The following PHF20L1 variants were observed in gnomAD, a reference collection of about 807,000 sequenced individuals.
PHF20L1 encodes the protein PHD finger protein 20-like protein 1.
Under a neutral mutation model 125.5 loss-of-function variants are expected in PHF20L1, and 44 were observed. The observed-to-expected ratio is 0.35, with a 90% confidence interval of 0.28 to 0.45. The LOEUF is 0.45. PHF20L1 is among the 20% of genes least tolerant of loss of function. The probability of loss-of-function intolerance (pLI) is 1.00; values close to 1 mark genes in which losing one functional copy is unlikely to be tolerated. For synonymous variants in PHF20L1, 380 were observed against 403.1 expected (o/e 0.94, Z 0.69); for missense variants, 1,012 against 1,217.2 (o/e 0.83, Z 2.51).
intron 2 of PHF20L1, among the ~76,000 whole-genome samples, chr8:132,792,821 G>T (rs1434924624): frequency 3.3e-5 from 5 of 152,050 alleles, no homozygotes; most frequent in Non-Finnish European, 5.9e-5. Flanking sequence ...GATAAAAGGG[G>T]TTACATGTTT....
At chr8:132,834,269 A>G (rs371178582) in intron 15 of PHF20L1, among the ~76,000 whole-genome samples, 14 of 152,276 alleles carry the variant, frequency 9.2e-5, no homozygotes, top group South Asian at 4.1e-4. Context: ...TAAAACTGGT[A>G]ATCTTTGCCA....
chr8:132,807,740 A>G (rs1178117414), intron 8 of PHF20L1: 3 of 455,752 alleles, frequency 6.6e-6, no homozygotes, highest in African/African-American at 6.0e-5. Context: ...CCAGCTGTGT[A>G]TTTTATAGCT....
intron 2 of PHF20L1, among the ~76,000 whole-genome samples, chr8:132,783,159 T>C (rs1326735300): frequency 1.3e-5 from 2 of 152,216 alleles, no homozygotes; most frequent in Non-Finnish European, 2.9e-5. Context: ...TTTAAAACAT[T>C]CAGATGAGAT....
intron 18 of PHF20L1, 33 bp downstream of exon 18, chr8:132,839,615 T>A: frequency 1.3e-6 from 2 of 1,499,806 alleles, no homozygotes; most frequent in Non-Finnish European, 1.9e-6. Flanking sequence ...AGGGTCACAC[T>A]TCAGTGGACG....
At position 132,845,911 on chromosome 8, in the gene PHF20L1, TTGCTC is replaced by T; in HGVS notation, c.3045_3049del (p.Ser1016MetfsTer7). 6.2e-7 allele frequency: 1 copy of T among 1,611,804 alleles called. No homozygotes were observed. The highest frequency in any genetic ancestry group is 8.5e-7 in the Non-Finnish European group (1 of 1,178,432). ...GCAAAGTACAGCAGATAGCAACTCT[TTGCTC>T]TGTATGACAACAGTGAACACTTAAT... On this transcript the variant is annotated frameshift_variant, in exon 21 of 21. Coordinates refer to ENST00000395386, the MANE Select transcript of PHF20L1 (RefSeq NM_016018.5). LOFTEE classifies it high-confidence loss of function.
chr8:132,777,221 G>A (rs1029890935), intron 1 of PHF20L1, among the ~76,000 whole-genome samples: 1 of 152,190 alleles, frequency 6.6e-6, no homozygotes, highest in African/African-American at 2.4e-5. Flanking sequence ...GAGATCATGG[G>A]TAATGAAAAA....
chr8:132,800,110 A>G (rs890879758), intron 6 of PHF20L1: 2 of 150,698 alleles, frequency 1.3e-5, no homozygotes, highest in East Asian at 3.9e-4. Context: ...TCATGAATTG[A>G]CATTATATTA....
intron 4 of PHF20L1, among the ~76,000 whole-genome samples, chr8:132,796,275 A>G (rs895364680): frequency 6.6e-6 from 1 of 152,092 alleles, no homozygotes; most frequent in East Asian, 1.9e-4. Flanking sequence ...TAGAATAGCT[A>G]GAGTACAGGT....
chr8:132,841,577 A>G (rs914335596), intron 18 of PHF20L1: 2 of 152,108 alleles, frequency 1.3e-5, no homozygotes, highest in Non-Finnish European at 2.9e-5. Context: ...TATCTCCCGA[A>G]TGCCCTTTCA....
intron 8 of PHF20L1, chr8:132,810,068 G>A (rs1028863397): frequency 1.3e-5 from 2 of 148,250 alleles, no homozygotes; most frequent in South Asian, 2.1e-4. Context: ...TTTTTGTGGC[G>A]GAGTCTTGCT....
intron 2 of PHF20L1, 152 bp downstream of exon 2, chr8:132,778,063 C>T (rs998616057): frequency 1.8e-6 from 1 of 570,158 alleles, no homozygotes; most frequent in Non-Finnish European, 3.1e-6. Context: ...TTTTCCTACT[C>T]TTTAGGCTTT....
intron 19 of PHF20L1, chr8:132,843,410 C>T (rs575977990): frequency 1.0e-6 from 1 of 980,466 alleles, no homozygotes; most frequent in Non-Finnish European, 1.2e-6. Context: ...TTATTTTTTA[C>T]TGATTTTCAA....
chr8:132,790,009 T>G (rs930714291), intron 2 of PHF20L1, among the ~76,000 whole-genome samples: 6 of 152,194 alleles, frequency 3.9e-5, no homozygotes, highest in Admixed American at 1.3e-4. Flanking sequence ...AGTCTTCCAC[T>G]TCTTGAATAT....
chr8:132,816,658 T>A (rs1267210640), intron 10 of PHF20L1: 2 of 383,872 alleles, frequency 5.2e-6, no homozygotes, highest in African/African-American at 2.1e-5. Flanking sequence ...TCCATTTTAT[T>A]TTCTTTTAGT....
chr8:132,812,491 GTTTCTAT>G, intron 9 of PHF20L1: 13 of 984,502 alleles, frequency 1.3e-5, no homozygotes, highest in Non-Finnish European at 1.4e-5. Flanking sequence ...TAACTCGGCT[GTTTCTAT>G]TTTCATAATT....
At position 132,794,340 on chromosome 8, in the gene PHF20L1, T is replaced by G. The variant is rs532830038; in HGVS notation, c.84-70T>G. The G allele has an allele frequency of 2.2e-4, 195 of 904,884 alleles. 3 individuals are homozygous for G. In the South Asian group the frequency reaches 3.3e-3, roughly 16 times the overall value. 56.1% of individuals were successfully genotyped at this position (904,884 alleles called of 1,614,324 possible). ...TAATGGTAAGCAACATTCAGCTAAATCTATGTATAATGCTTTGTATAAACA... is the reference window on the plus strand; with the variant it reads ...TAATGGTAAGCAACATTCAGCTAAAGCTATGTATAATGCTTTGTATAAACA... On this transcript the variant is annotated intron_variant, in intron 2 of 20. Transcript: ENST00000395386.
At position 132,782,235 on chromosome 8, in the gene PHF20L1, C is replaced by T. The variant is rs11785273; in HGVS notation, c.83+4324C>T. Among the ~76,000 whole-genome samples the T allele has an allele frequency of 3.6e-3, 542 of 152,064 alleles. 6 individuals carry two copies. Among genetic ancestry groups the T allele is most frequent in the African/African-American group, 0.011 (468 of 41,404 alleles). ...GAAGTTATATTGGAGACACTGTAAGCGGGTGGGTTTAAATTCAGACTGTTA... is the reference window on the plus strand; with the variant it reads ...GAAGTTATATTGGAGACACTGTAAGTGGGTGGGTTTAAATTCAGACTGTTA... On this transcript the variant is annotated intron_variant, in intron 2 of 20. Transcript: ENST00000395386.
intron 10 of PHF20L1, chr8:132,815,776 C>G (rs1357107463): frequency 1.3e-5 from 2 of 151,676 alleles, no homozygotes; most frequent in Admixed American, 1.3e-4. Flanking sequence ...TCATTTTGAT[C>G]AGGTTTTGCT....
At chr8:132,831,862 A>G (rs1836814745) in intron 14 of PHF20L1, among the ~76,000 whole-genome samples, 1 of 152,018 alleles carries the variant, frequency 6.6e-6, no homozygotes, top group South Asian at 2.1e-4. Flanking sequence ...CACAGGCCCC[A>G]GTGTGTGTTG....
Sources: gnomAD v4.1 joint callset for allele counts (sites outside exome capture counted in the v4.1 genomes callset) on GRCh38, gnomAD v4.1.1 for gene constraint, MANE v1.5 for transcripts, NCBI Gene and HGNC (gene_info 2026-07-23, HGNC 2026-07-21) for gene names.